SLC19A1: variants seen among roughly 807,000 people sequenced by gnomAD.
SLC19A1 encodes the protein reduced folate transporter.
Under a neutral mutation model 35.3 loss-of-function variants are expected in SLC19A1, and 37 were observed. The observed-to-expected ratio is 1.05, with a 90% CI of 0.81 to 1.38. The LOEUF is 1.38. Ranked by LOEUF, SLC19A1 falls within the 40% of genes most tolerant of loss-of-function variation. The pLI is 0.00. For missense variants in SLC19A1, 831 were observed against 826.9 expected (o/e 1.00, Z -0.06); for synonymous variants, 460 against 398.5 (o/e 1.15, Z -1.84).
chr21:45,561,858 T>C (rs568139399), intron 1 of SLC19A1, among the ~76,000 whole-genome samples: 1 of 151,642 alleles, frequency 6.6e-6, no homozygotes, highest in South Asian at 2.1e-4. Context: ...CCAGGCTGGG[T>C]GCAGTGGCTC....
chr21:45,538,065 C>G, intron 1 of SLC19A1, 57 bp from the exon 2 acceptor site: 1 of 1,071,834 alleles, frequency 9.3e-7, no homozygotes, highest in East Asian at 2.8e-5. Flanking sequence ...GCCTCCCTAC[C>G]CCGCAAAACG....
At chr21:45,512,282 A>G (rs370518474), downstream of SLC19A1, 6 of 1,611,828 alleles carry the variant, frequency 3.7e-6, no homozygotes, top group Non-Finnish European at 5.1e-6. Context: ...TCCCTCGGCC[A>G]CGGGCCAGGC....
intron 1 of SLC19A1, among the ~76,000 whole-genome samples, chr21:45,561,264 A>T (rs147799813): frequency 6.6e-6 from 1 of 152,366 alleles, no homozygotes; most frequent in East Asian, 1.9e-4. Context: ...ATAATTGACC[A>T]AGTATAAAAT....
At chr21:45,550,691 C>T (rs1009083876) in intron 1 of SLC19A1, among the ~76,000 whole-genome samples, 3 of 152,228 alleles carry the variant, frequency 2.0e-5, no homozygotes, top group Admixed American at 1.3e-4. Context: ...TCGTCGTCTT[C>T]TTCTGAATGT....
downstream of SLC19A1, among the ~76,000 whole-genome samples, chr21:45,508,587 G>T (rs996225053): frequency 6.6e-6 from 1 of 152,118 alleles, no homozygotes; most frequent in Non-Finnish European, 1.5e-5. Flanking sequence ...AGCTGCTGTC[G>T]GCCCCTCCTT....
chr21:45,531,720 G>A lies in SLC19A1; in HGVS notation c.618C>T (p.Pro206=). 3.7e-6 allele frequency: 6 copies of A among 1,612,796 alleles called. No individual in the cohort carries two copies. Among genetic ancestry groups the A allele is most frequent in the Non-Finnish European group, 5.1e-6 (6 of 1,179,680 alleles). Residue 206 remains proline, a synonymous_variant, in exon 3 of 6, where the codon CCC becomes CCT. Transcript: ENST00000311124. ...SVVLALFLKR[P]KRSLFFNRDD... is the part of the protein sequence containing the mutation. ...CGCGGTTGAAGAAGAGGCTGCGCTT[G>A]GGGCGCTTCAGGAAGAGGGCGAGGA...
chr21:45,541,511 G>A (rs891234700), intron 1 of SLC19A1, among the ~76,000 whole-genome samples: 5 of 152,264 alleles, frequency 3.3e-5, no homozygotes, highest in African/African-American at 9.6e-5. Flanking sequence ...TGTGTCCTGA[G>A]GCCAGGCAGG....
Position 45,542,392 on chromosome 21 carries a change from C to G in SLC19A1, c.-74G>C, listed in dbSNP as rs1193594023. The G allele has an allele frequency of 6.6e-6, 1 of 151,582 alleles. No individual in the cohort carries two copies. Among genetic ancestry groups the G allele is most frequent in the Non-Finnish European group, 1.5e-5 (1 of 67,830 alleles). 9.4% of individuals were successfully genotyped at this position (151,582 alleles called of 1,614,324 possible). A position where few individuals can be genotyped will look rare whatever the true frequency, so the allele number is the denominator to read the frequency against. Reference sequence around the variant, plus strand: ...CCTGCGACTCGGCGGGGCGGCTGCCCTGGGGCTCCCGGACCCGGCCCCGCG... The same window carrying G: ...CCTGCGACTCGGCGGGGCGGCTGCCGTGGGGCTCCCGGACCCGGCCCCGCG... On this transcript the variant is annotated 5_prime_UTR_variant, in exon 1 of 6. Coordinates refer to ENST00000311124, the MANE Select transcript of SLC19A1 (RefSeq NM_194255.4).
rs530903034 is a variant in SLC19A1 at position 45,505,553 on chromosome 21, C to T, written c.498-6941G>A. ...GGGAGATATACAGGAGGCCAAGATGCGGTTTCCAGGGTGGAAGCGGGGCCA... is the reference window on the plus strand; with the variant it reads ...GGGAGATATACAGGAGGCCAAGATGTGGTTTCCAGGGTGGAAGCGGGGCCA... On this transcript the variant is annotated intron_variant, in intron 3 of 4. Coordinates refer to the SLC19A1 transcript ENST00000417954. The T allele has an allele frequency of 4.7e-4, 329 of 705,050 alleles. 6 individuals are homozygous for T. Among genetic ancestry groups the T allele is most frequent in the South Asian group, 4.4e-3 (285 of 64,604 alleles). 43.7% of individuals were successfully genotyped at this position (705,050 alleles called of 1,614,324 possible).
chr21:45,505,084 C>A (rs549235278), intron 3 of SLC19A1: 34 of 1,590,286 alleles, frequency 2.1e-5, no homozygotes, highest in East Asian at 2.3e-5. Context: ...TGCCCGCCCC[C>A]AGTCCAGGGC....
At chr21:45,531,285 C>T in intron 3 of SLC19A1, 104 bp downstream of exon 3, 1 of 1,227,106 alleles carries the variant, frequency 8.1e-7, no homozygotes, top group African/African-American at 3.2e-5. Flanking sequence ...ATCCATGGGG[C>T]AGGGGGCGGG....
chr21:45,516,574 C>G (rs2037957292), intron 5 of SLC19A1, among the ~76,000 whole-genome samples: 1 of 152,238 alleles, frequency 6.6e-6, no homozygotes, highest in South Asian at 2.1e-4. Context: ...CAGGGCTTCG[C>G]GCCCAGAGCA....
At chr21:45,543,054 G>A (rs1054104224), upstream of SLC19A1, among the ~76,000 whole-genome samples, 1 of 152,086 alleles carries the variant, frequency 6.6e-6, no homozygotes, top group Admixed American at 6.5e-5. Context: ...TGACCCGTAC[G>A]GGCTTGTACC....
chr21:45,508,806 C>T (rs2037403885), downstream of SLC19A1, among the ~76,000 whole-genome samples: 1 of 152,148 alleles, frequency 6.6e-6, no homozygotes, highest in Non-Finnish European at 1.5e-5. Flanking sequence ...TAACACACAG[C>T]CTGGCCCTGT....
intron 1 of SLC19A1, among the ~76,000 whole-genome samples, chr21:45,539,175 G>A (rs1011599805): frequency 6.6e-6 from 1 of 152,160 alleles, no homozygotes; most frequent in Non-Finnish European, 1.5e-5. Context: ...TGTGTCAGAC[G>A]CCCACACCAA....
In SLC19A1 at chr21:45,530,892, C is replaced by T. The variant is rs140092730; in HGVS notation, c.1029G>A (p.Thr343=). The T allele has an allele frequency of 5.4e-6, 8 of 1,481,132 alleles. No individual in the cohort carries two copies. Among genetic ancestry groups the T allele is most frequent in the Non-Finnish European group, 7.2e-6 (8 of 1,117,982 alleles). The allele number at this position is 1,481,132 out of a possible 1,614,324, so 91.7% of individuals were successfully genotyped here. Residue 343 remains threonine, a synonymous_variant, in exon 4 of 6, where the codon ACG becomes ACA. Coordinates refer to ENST00000311124, the MANE Select transcript of SLC19A1 (RefSeq NM_194255.4). The surrounding 1 kb of genome is among the most constrained non-coding windows in gnomAD (Gnocchi z 5.3). ...RWSKLLIAGV[T]ATQAGLVFLL... ...GGAAGACCAGCCCCGCCTGCGTGGC[C>T]GTGACGCCCGCGATGAGCAGCTTGG...
chr21:45,506,019 C>T lies in SLC19A1; in HGVS notation c.498-7407G>A, dbSNP rs933509809. The stretch of plus-strand genomic sequence containing the variant: ...ACCCGTGGAAGGGCCGAAGCCGCCT[C>T]CTGGGGCTTAAGGAAGGCGAGAGGC... On this transcript the variant is annotated intron_variant, in intron 3 of 4. Transcript: ENST00000417954. 1.1e-5 allele frequency: 17 copies of T among 1,611,646 alleles called. No homozygotes were observed. The South Asian group carries it at 1.9e-4, about 18-fold the overall frequency.
upstream of SLC19A1, among the ~76,000 whole-genome samples, chr21:45,544,570 C>T (rs182453251): frequency 2.0e-5 from 3 of 152,274 alleles, no homozygotes; most frequent in East Asian, 1.9e-4. Flanking sequence ...GTTTCATTAT[C>T]GGTTTGTCAA....
chr21:45,543,896 CCCTT>C (rs1412862607), upstream of SLC19A1: 2 of 152,638 alleles, frequency 1.3e-5, no homozygotes, highest in African/African-American at 2.4e-5. Flanking sequence ...GGAGGAGGGG[CCCTT>C]CCTTCCCTCC....
Sources: gnomAD v4.1 joint callset for allele counts (sites outside exome capture counted in the v4.1 genomes callset) on GRCh38, gnomAD v4.1.1 for gene constraint, Gnocchi (gnomAD v3.1) non-coding constraint, MANE v1.5 for transcripts, NCBI Gene and HGNC (gene_info 2026-07-23, HGNC 2026-07-21) for gene names.